GRM5: variants seen among roughly 807,000 people sequenced by gnomAD.
GRM5 encodes the protein metabotropic glutamate receptor 5.
In GRM5, 19 loss-of-function variants were observed where a neutral mutation model predicts 83.1. The ratio of observed to expected loss-of-function variants is 0.23; its 90% CI spans 0.16 to 0.34. GRM5 has a LOEUF of 0.34. Among genes scored for constraint, GRM5 ranks in the 10% least tolerant of loss-of-function variants. The pLI is 1.00. For synonymous variants in GRM5, 675 were observed against 633.6 expected, an observed-to-expected ratio of 1.07 and a Z score of -0.98; for missense variants, 1,160 against 1,588.3, an observed-to-expected ratio of 0.73 and a Z score of 4.58.
At chr11:89,059,057 A>T (rs1202013295) in intron 1 of GRM5, among the ~76,000 whole-genome samples, 1 of 152,168 alleles carries the variant, frequency 6.6e-6, no homozygotes, top group Non-Finnish European at 1.5e-5. Flanking sequence ...GAATGTAAGA[A>T]GGTTGCATTA....
At chr11:89,007,135 C>T (rs1381412665) in intron 2 of GRM5, among the ~76,000 whole-genome samples, 1 of 152,112 alleles carries the variant, frequency 6.6e-6, no homozygotes, top group African/African-American at 2.4e-5. Context: ...TGTGCCTATC[C>T]CACCCTTATT....
intron 2 of GRM5, among the ~76,000 whole-genome samples, chr11:88,986,698 T>A (rs1042115900): frequency 6.6e-6 from 1 of 151,278 alleles, no homozygotes; most frequent in Non-Finnish European, 1.5e-5. Flanking sequence ...GAAATTTTGG[T>A]TTAATATAGT....
intron 3 of GRM5, among the ~76,000 whole-genome samples, chr11:88,684,831 T>A (rs1483220665): frequency 1.3e-5 from 2 of 152,200 alleles, no homozygotes; most frequent in Admixed American, 1.3e-4. Flanking sequence ...GTGGCTGCCA[T>A]GTAAGAAGTG....
chr11:88,822,792 C>T (rs1943824228), intron 3 of GRM5, among the ~76,000 whole-genome samples: 1 of 151,810 alleles, frequency 6.6e-6, no homozygotes, highest in South Asian at 2.1e-4. Flanking sequence ...TCTCTCTCTC[C>T]TTCCCTCCCT....
chr11:89,058,560 A>T (rs890222201), intron 1 of GRM5, among the ~76,000 whole-genome samples: 1 of 152,190 alleles, frequency 6.6e-6, no homozygotes, highest in African/African-American at 2.4e-5. Context: ...AGTCTTAGAA[A>T]TTCTCTACCT....
At chr11:88,995,824 T>C (rs1446334022) in intron 2 of GRM5, among the ~76,000 whole-genome samples, 1 of 152,024 alleles carries the variant, frequency 6.6e-6, no homozygotes, top group Non-Finnish European at 1.5e-5. Context: ...AAATTCCAAA[T>C]AAAATATCTA....
intron 3 of GRM5, among the ~76,000 whole-genome samples, chr11:88,777,130 G>C (rs1942872321): frequency 1.3e-5 from 2 of 152,110 alleles, no homozygotes; most frequent in African/African-American, 4.8e-5. Context: ...TGGAGGCTTT[G>C]TTCATTTCTT....
rs541537255 is a variant in GRM5, at chr11:88,577,994, A to G, written c.1691-10002T>C. On this transcript the variant is annotated intron_variant, in intron 7 of 9. Coordinates refer to ENST00000305447, the MANE Select transcript of GRM5 (RefSeq NM_001143831.3). ...ATAATTATGAAGTGAGAGAAAGTGG[A>G]AATGGGGAAGTGTATATACAAAACG... 6.8e-4 allele frequency among the ~76,000 whole-genome samples: 104 copies of G among 152,220 alleles called. No individual in the cohort carries two copies. In the Middle Eastern group the frequency reaches 0.014, roughly 20 times the overall value.
intron 3 of GRM5, among the ~76,000 whole-genome samples, chr11:88,788,111 C>G (rs184699348): frequency 1.3e-5 from 2 of 152,256 alleles, no homozygotes; most frequent in Admixed American, 6.5e-5. Flanking sequence ...ACTGGGCACT[C>G]TAGCTTTGGG....
intron 2 of GRM5, among the ~76,000 whole-genome samples, chr11:89,007,432 G>C (rs1392157660): frequency 6.6e-6 from 1 of 152,118 alleles, no homozygotes; most frequent in African/African-American, 2.4e-5. Context: ...CCAGTGATTG[G>C]TCACATTATT....
chr11:88,620,046 A>G (rs1172224362), intron 4 of GRM5, among the ~76,000 whole-genome samples: 1 of 152,226 alleles, frequency 6.6e-6, no homozygotes, highest in African/African-American at 2.4e-5. Context: ...CTGCTGTGAC[A>G]GAAGGGCAGA....
At chr11:88,649,368 A>G (rs975623375) in intron 4 of GRM5, among the ~76,000 whole-genome samples, 8 of 141,382 alleles carry the variant, frequency 5.7e-5, no homozygotes, top group African/African-American at 1.8e-4. Flanking sequence ...TATATTAAAT[A>G]TTACATATAT....
chr11:88,942,383 TTG>T (rs1938144905), intron 2 of GRM5, among the ~76,000 whole-genome samples: 1 of 151,956 alleles, frequency 6.6e-6, no homozygotes, highest in African/African-American at 2.4e-5. Flanking sequence ...CTAGTGTAAT[TTG>T]TCTGTTTCAA....
At chr11:89,032,003 T>C (rs1160000818) in intron 2 of GRM5, among the ~76,000 whole-genome samples, 1 of 152,090 alleles carries the variant, frequency 6.6e-6, no homozygotes, top group African/African-American at 2.4e-5. Flanking sequence ...TATTATATAC[T>C]ACACATCATA....
At chr11:88,859,150 A>G (rs1489110835) in intron 2 of GRM5, among the ~76,000 whole-genome samples, 1 of 152,104 alleles carries the variant, frequency 6.6e-6, no homozygotes, top group Non-Finnish European at 1.5e-5. Flanking sequence ...TTCTGGCAAC[A>G]TAGTAGAAGA....
chr11:88,514,970 CCCCAGAGA>C (rs1941484710), intron 9 of GRM5, among the ~76,000 whole-genome samples: 1 of 152,118 alleles, frequency 6.6e-6, no homozygotes, highest in East Asian at 1.9e-4. Flanking sequence ...ACAATAATTC[CCCCAGAGA>C]ATCTTTCTTA....
intron 4 of GRM5, among the ~76,000 whole-genome samples, chr11:88,643,864 G>A (rs1939365633): frequency 6.6e-6 from 1 of 152,060 alleles, no homozygotes; most frequent in Admixed American, 6.6e-5. Flanking sequence ...CATAAAAGAT[G>A]GCAGAAGACA....
intron 2 of GRM5, among the ~76,000 whole-genome samples, chr11:89,040,539 T>TA (rs892262492): frequency 3.7e-4 from 56 of 151,974 alleles, no homozygotes; most frequent in Admixed American, 3.3e-3. Context: ...TACAAAAAAT[T>TA]AAAAAATAAA....
In GRM5 at chr11:88,525,371, C is replaced by T. The variant is rs200167984; in HGVS notation, c.2664G>A (p.Ser888=). 32 of 1,612,178 alleles carry T rather than the reference C, an allele frequency of 2.0e-5. No individual in the cohort carries two copies. Among genetic ancestry groups the T allele is most frequent in the East Asian group, 4.5e-5 (2 of 44,856 alleles). Residue 888 remains serine, a synonymous_variant, in exon 9 of 10, where the codon TCG becomes TCA. Transcript: ENST00000305447. ...YKDRRLAQHK[S]EIECFTPKGS... is the part of the protein sequence containing the mutation. ...CTTTGGGGGTGAAACACTCTATTTC[C>T]GACTTGTGCTGGGCCAGTCTCCTGT...
Sources: gnomAD v4.1 joint callset for allele counts (sites outside exome capture counted in the v4.1 genomes callset) on GRCh38, gnomAD v4.1.1 for gene constraint, MANE v1.5 for transcripts, NCBI Gene and HGNC (gene_info 2026-07-23, HGNC 2026-07-21) for gene names.